The following ZBED4 variants were observed in gnomAD, a reference collection of about 807,000 sequenced individuals.
ZBED4 encodes zinc finger BED-type containing 4.
In ZBED4, 4 loss-of-function variants were observed where a neutral mutation model predicts 15.5. The ratio of observed to expected loss-of-function variants is 0.26; its 90% CI spans 0.13 to 0.59. ZBED4 has a LOEUF of 0.59. ZBED4 is among the 20% of genes least tolerant of loss of function. The pLI, the probability that ZBED4 is intolerant of heterozygous loss-of-function variation, is 0.90. For synonymous variants in ZBED4, 692 were observed against 608.5 expected (o/e 1.14, Z -2.02); for missense variants, 1,323 against 1,461.8 (o/e 0.91, Z 1.55).
intron 1 of ZBED4, among the ~76,000 whole-genome samples, chr22:49,867,540 G>A (rs2060327905): frequency 6.6e-6 from 1 of 152,236 alleles, no homozygotes; most frequent in Admixed American, 6.5e-5. Context: ...AGTGTCAGCT[G>A]TTTTGTTTTG....
At chr22:49,861,513 A>G (rs927495450) in intron 1 of ZBED4, among the ~76,000 whole-genome samples, 2 of 150,872 alleles carry the variant, frequency 1.3e-5, no homozygotes, top group Non-Finnish European at 2.9e-5. Context: ...GGCTTACCGC[A>G]GCCTCGACCT....
rs1019285984 is a variant in ZBED4, at chr22:49,888,861, C to T, written c.*1683C>T. The T allele has an allele frequency of 3.0e-5, 5 of 167,248 alleles. No homozygotes were observed. Among genetic ancestry groups the T allele is most frequent in the African/African-American group, 1.2e-4 (5 of 41,458 alleles). 10.4% of individuals were successfully genotyped at this position (167,248 alleles called of 1,614,324 possible). A position where few individuals can be genotyped will look rare whatever the true frequency, so the allele number is the denominator to read the frequency against. On this transcript the variant is annotated 3_prime_UTR_variant, in exon 2 of 2. Coordinates refer to ENST00000216268, the MANE Select transcript of ZBED4 (RefSeq NM_014838.3). ...GTCCATGGCCCACCCATCTCTCCCT[C>T]GCCAGCAGCCCTGGCCAGTGTCATC...
At chr22:49,870,716 CT>C (rs2060342668) in intron 1 of ZBED4, among the ~76,000 whole-genome samples, 1 of 151,878 alleles carries the variant, frequency 6.6e-6, no homozygotes, top group African/African-American at 2.4e-5. Flanking sequence ...GATTTCAGAC[CT>C]TTGTCAGATG....
intron 1 of ZBED4, among the ~76,000 whole-genome samples, chr22:49,860,763 C>T (rs147817240): frequency 1.4e-3 from 213 of 151,636 alleles, no homozygotes; most frequent in African/African-American, 4.7e-3. Context: ...TTATCCCCAC[C>T]ACTCTTCTAA....
In ZBED4 at chr22:49,884,975, C is replaced by G; in HGVS notation, c.1313C>G (p.Pro438Arg). Residue 438 changes from proline to arginine, a missense_variant, in exon 2 of 2, where the codon CCT becomes CGT. Coordinates refer to ENST00000216268, the MANE Select transcript of ZBED4 (RefSeq NM_014838.3). The stretch of plus-strand genomic sequence containing the variant: ...AAGCAGCAGGCTGATGGGCTGAGTC[C>G]TAGATTGTTTGAATCTGGCGCCATC... ...PEKQQADGLS[P>R]RLFESGAIFQ... 6.2e-7 allele frequency: 1 copy of G among 1,613,492 alleles called. No homozygotes were observed. The highest frequency in any genetic ancestry group is 8.5e-7 in the Non-Finnish European group (1 of 1,179,648).
intron 1 of ZBED4, among the ~76,000 whole-genome samples, chr22:49,870,820 C>G (rs997940106): frequency 1.3e-5 from 2 of 152,060 alleles, no homozygotes; most frequent in Non-Finnish European, 2.9e-5. Context: ...TATGCAGAGG[C>G]TCTTTAGTTA....
chr22:49,880,570 A>T (rs927349918), intron 1 of ZBED4, among the ~76,000 whole-genome samples: 12 of 152,202 alleles, frequency 7.9e-5, no homozygotes, highest in Non-Finnish European at 1.5e-4. Flanking sequence ...TCAGCGTCTG[A>T]AAACGTCGTT....
rs1013834478 is a variant in ZBED4, at chr22:49,887,493, CAAA to C, written c.*316_*318del. 6.4e-5 allele frequency: 16 copies of C among 248,854 alleles called. No homozygotes were observed. Among genetic ancestry groups the C allele is most frequent in the Admixed American group, 3.0e-4 (6 of 20,250 alleles). The allele number at this position is 248,854 out of a possible 1,614,324, so 15.4% of individuals were successfully genotyped here. ...TTAGTAATTTGTTTTACTAGAATGA[CAAA>C]GAAGATGTAAACCATTTTATTCTGT... On this transcript the variant is annotated 3_prime_UTR_variant, in exon 2 of 2. Coordinates refer to ENST00000216268, the MANE Select transcript of ZBED4 (RefSeq NM_014838.3).
At chr22:49,878,519 C>G (rs1022879091) in intron 1 of ZBED4, among the ~76,000 whole-genome samples, 1 of 152,130 alleles carries the variant, frequency 6.6e-6, no homozygotes, top group African/African-American at 2.4e-5. Flanking sequence ...ATTGTCCTTT[C>G]AACAGATTGT....
At position 49,864,227 on chromosome 22, in the gene ZBED4, A is replaced by T. The variant is rs150985526; in HGVS notation, c.-330+10238A>T. Among the ~76,000 whole-genome samples the T allele has an allele frequency of 5.9e-5, 9 of 152,248 alleles. No homozygotes were observed. In the East Asian group the frequency reaches 1.5e-3, roughly 26 times the overall value. ...TCTTACGTCTCCGTCCTCTTTTTCC[A>T]CTGAGAGTGCTGGTCTCAAGGACAG... On this transcript the variant is annotated intron_variant, in intron 1 of 1. Coordinates refer to ENST00000216268, the MANE Select transcript of ZBED4 (RefSeq NM_014838.3).
intron 1 of ZBED4, among the ~76,000 whole-genome samples, chr22:49,869,148 G>A (rs913473310): frequency 2.0e-5 from 3 of 151,164 alleles, no homozygotes; most frequent in African/African-American, 7.3e-5. Context: ...GAAAAATCAC[G>A]GTTGTGGAAA....
intron 1 of ZBED4, among the ~76,000 whole-genome samples, chr22:49,867,035 A>T (rs534309592): frequency 3.9e-5 from 6 of 152,248 alleles, no homozygotes; most frequent in Middle Eastern, 3.4e-3. Context: ...TAACACAGGT[A>T]TGTAGAGCTT....
chr22:49,859,864 A>G (rs1446852119), intron 1 of ZBED4, among the ~76,000 whole-genome samples: 1 of 151,962 alleles, frequency 6.6e-6, no homozygotes. Context: ...CATCTTTACA[A>G]AAACATACAG....
chr22:49,863,763 A>T (rs2060308129), intron 1 of ZBED4, among the ~76,000 whole-genome samples: 1 of 152,182 alleles, frequency 6.6e-6, no homozygotes, highest in African/African-American at 2.4e-5. Flanking sequence ...TAAATGCCTG[A>T]TTCTTTTTTT....
rs1447609009 is a variant in ZBED4 at position 49,887,252 on chromosome 22, G to A, written c.*74G>A. On this transcript the variant is annotated 3_prime_UTR_variant, in exon 2 of 2. Transcript: ENST00000216268. ...GCAGCCTGTACCAGGTCTATGACCC[G>A]CTCTGCCCACGGCTGTGTACGACAT... The A allele has an allele frequency of 2.1e-5, 31 of 1,479,484 alleles. No homozygotes were observed. Among genetic ancestry groups the A allele is most frequent in the East Asian group, 6.8e-5 (3 of 43,862 alleles). 91.6% of individuals were successfully genotyped at this position (1,479,484 alleles called of 1,614,324 possible).
Position 49,885,329 on chromosome 22 carries a change from A to G in ZBED4, c.1667A>G (p.Asn556Ser), listed in dbSNP as rs2060432373. The change falls in exon 2 of 2, where the codon AAT becomes AGT. Residue 556 changes from asparagine (N) to serine (S), a missense_variant. Physicochemically the swap from Asn to Ser is conservative, Grantham distance 46. Around this residue, in one of 6 missense-constraint regions of ZBED4, gnomAD observed 429 missense variants for 397.9 expected, o/e 1.08. Transcript: ENST00000216268. Reference sequence around the variant, plus strand: ...AACAATCAAGTTATGTTTCCTGTTAATAGCAAAAAGACCTCGAAGCTGTGG... The same window carrying G: ...AACAATCAAGTTATGTTTCCTGTTAGTAGCAAAAAGACCTCGAAGCTGTGG... ...TKNNQVMFPV[N>S]SKKTSKLWNH... The G allele has an allele frequency of 6.3e-7, 1 of 1,591,736 alleles. No homozygotes were observed. Among genetic ancestry groups the G allele is most frequent in the Admixed American group, 1.8e-5 (1 of 56,278 alleles).
At chr22:49,859,666 T>C (rs1406752378) in intron 1 of ZBED4, among the ~76,000 whole-genome samples, 1 of 152,250 alleles carries the variant, frequency 6.6e-6, no homozygotes, top group East Asian at 1.9e-4. Flanking sequence ...AGAAAATATG[T>C]ATTTAAAACA....
intron 1 of ZBED4, among the ~76,000 whole-genome samples, chr22:49,874,672 C>CCTTTTTTT (rs2060366945): frequency 8.0e-5 from 3 of 37,314 alleles, no homozygotes; most frequent in African/African-American, 3.3e-4. Context: ...CATGCCCAGC[C>CCTTTTTTT]TTTTTTTTTT....
At chr22:49,879,587 C>G (rs2060397397) in intron 1 of ZBED4, among the ~76,000 whole-genome samples, 1 of 144,054 alleles carries the variant, frequency 6.9e-6, no homozygotes, top group Non-Finnish European at 1.5e-5. Context: ...TTCTCCTGGT[C>G]AGTGTCTGGG....
Sources: gnomAD v4.1 joint callset for allele counts (sites outside exome capture counted in the v4.1 genomes callset) on GRCh38, gnomAD v4.1.1 for gene constraint, gnomAD v4.1.1 regional missense constraint, MANE v1.5 for transcripts, NCBI Gene and HGNC (gene_info 2026-07-23, HGNC 2026-07-21) for gene names.